Variants in USP47 observed in about 807,000 individuals in gnomAD.
The protein encoded by USP47 is ubiquitin carboxyl-terminal hydrolase 47.
A neutral mutation model predicts 165.1 loss-of-function variants in USP47; 35 were observed. The ratio of observed to expected loss-of-function variants is 0.21; its 90% CI spans 0.16 to 0.28. The LOEUF (loss-of-function observed/expected upper bound fraction) is 0.28, where lower values mean the gene tolerates loss of function less well. Among genes scored for constraint, USP47 ranks in the 10% least tolerant of loss-of-function variants. The probability of loss-of-function intolerance (pLI) is 1.00; values close to 1 mark genes in which losing one functional copy is unlikely to be tolerated. For missense variants in USP47, 1,277 were observed against 1,607.4 expected (o/e 0.79, Z 3.52); for synonymous variants, 531 against 544.5 (o/e 0.98, Z 0.35).
At chr11:11,843,143 T>TG (rs1848235217) in intron 1 of USP47, among the ~76,000 whole-genome samples, 1 of 152,228 alleles carries the variant, frequency 6.6e-6, no homozygotes, top group Admixed American at 6.5e-5. Context: ...GGATTGAAAT[T>TG]AACTGTGTGC....
intron 1 of USP47, 26 bp downstream of exon 1, chr11:11,842,250 C>G (rs979912679): frequency 6.4e-7 from 1 of 1,550,608 alleles, no homozygotes; most frequent in Non-Finnish European, 8.7e-7. Flanking sequence ...GGAGGTTAGG[C>G]CTTAGGCCTG....
chr11:11,862,582 G>A (rs1377556916), intron 1 of USP47, among the ~76,000 whole-genome samples: 2 of 152,110 alleles, frequency 1.3e-5, no homozygotes, highest in African/African-American at 4.8e-5. Flanking sequence ...ATAAATCCTA[G>A]ATAAGGAAAA....
intron 10 of USP47, among the ~76,000 whole-genome samples, chr11:11,920,940 CT>C (rs1377492030): frequency 1.5e-5 from 2 of 136,484 alleles, no homozygotes; most frequent in Non-Finnish European, 3.1e-5. Context: ...TACTTACCTA[CT>C]ATTTTGTATT....
rs376194652 is a variant in USP47 at position 11,905,391 on chromosome 11, A to C, written c.820-8A>C. 2.3e-4 allele frequency: 352 copies of C among 1,563,950 alleles called. 1 individual carries two copies. Among genetic ancestry groups the C allele is most frequent in the Non-Finnish European group, 1.0e-4 (119 of 1,149,212 alleles). On this transcript the variant is annotated splice_region_variant and splice_polypyrimidine_tract_variant and intron_variant, in intron 7 of 27. Transcript: ENST00000527733. ...GAACACTTAAAAATGTAAATATTTT[A>C]TTTTTAGGCTGATCTTATAAATGAG... is the stretch of plus-strand genomic sequence containing the variant.
chr11:11,925,850 C>A (rs1854203962), intron 11 of USP47, among the ~76,000 whole-genome samples: 1 of 152,048 alleles, frequency 6.6e-6, no homozygotes, highest in Non-Finnish European at 1.5e-5. Flanking sequence ...CCGTTTTTCA[C>A]CATTTAATAT....
intron 1 of USP47, among the ~76,000 whole-genome samples, chr11:11,871,524 A>C (rs1056607405): frequency 3.2e-5 from 4 of 124,582 alleles, no homozygotes; most frequent in African/African-American, 1.8e-4. Context: ...AAAAAAAAAA[A>C]AAAAAAAAAA....
At chr11:11,897,055 T>C (rs1851893562) in intron 4 of USP47, among the ~76,000 whole-genome samples, 2 of 150,628 alleles carry the variant, frequency 1.3e-5, no homozygotes, top group Middle Eastern at 3.4e-3. Flanking sequence ...ACTTAGAGTC[T>C]CAGCTTTTGT....
At chr11:11,947,824 A>G in intron 20 of USP47, 121 bp from the exon 21 acceptor site, 1 of 982,216 alleles carries the variant, frequency 1.0e-6, no homozygotes, top group Non-Finnish European at 1.4e-6. Context: ...GCTAAAGTCT[A>G]ACTGAAAAGG....
At chr11:11,908,236 GA>G (rs1436988902) in intron 8 of USP47, among the ~76,000 whole-genome samples, 1 of 152,170 alleles carries the variant, frequency 6.6e-6, no homozygotes, top group East Asian at 1.9e-4. Context: ...AGATAATTAA[GA>G]GTGAGGTCTT....
At chr11:11,952,911 T>C in intron 25 of USP47, 40 bp downstream of exon 25, 1 of 1,377,576 alleles carries the variant, frequency 7.3e-7, no homozygotes. Flanking sequence ...TTATGTTGTA[T>C]ATGTATATCA....
intron 5 of USP47, among the ~76,000 whole-genome samples, chr11:11,900,412 G>T (rs1179786939): frequency 1.3e-5 from 2 of 152,034 alleles, no homozygotes; most frequent in African/African-American, 4.8e-5. Flanking sequence ...CGCCCGCCTT[G>T]GCCTCCCAAA....
Position 11,842,078 on chromosome 11 carries a change from C to G in USP47, c.-108C>G. The G allele has an allele frequency of 7.3e-7, 1 of 1,365,914 alleles. No homozygotes were observed. The highest frequency in any genetic ancestry group is 2.2e-5 in the Admixed American group (1 of 45,714). The allele number at this position is 1,365,914 out of a possible 1,614,324, so 84.6% of individuals were successfully genotyped here. ...TGAGGCCTCCGCTATTGCTGGAGCG[C>G]AGGCGGCGGAGAGGATGACTGCCGC... On this transcript the variant is annotated 5_prime_UTR_variant, in exon 1 of 28. Coordinates refer to ENST00000527733, the MANE Select transcript of USP47 (RefSeq NM_001282659.2).
At chr11:11,868,508 T>C (rs551483672) in intron 1 of USP47, among the ~76,000 whole-genome samples, 4 of 152,312 alleles carry the variant, frequency 2.6e-5, no homozygotes, top group Middle Eastern at 3.4e-3. Context: ...TTCCATGATA[T>C]GGATGTACTA....
rs1026392444 is a variant in USP47 at position 11,958,187 on chromosome 11, G to C, written c.*2012G>C. ...TTGGAGTTTGGTCTGATTGGGTTTG[G>C]TTTAGTATTCCTATGAGCGTAAATG... On this transcript the variant is annotated 3_prime_UTR_variant, in exon 28 of 28. Coordinates refer to ENST00000527733, the MANE Select transcript of USP47 (RefSeq NM_001282659.2). The C allele has an allele frequency of 2.0e-5, 3 of 152,174 alleles. No individual in the cohort carries two copies. Among genetic ancestry groups the C allele is most frequent in the East Asian group, 1.9e-4 (1 of 5,194 alleles). 9.4% of individuals were successfully genotyped at this position (152,174 alleles called of 1,614,324 possible). A position where few individuals can be genotyped will look rare whatever the true frequency, so the allele number is the denominator to read the frequency against.
intron 4 of USP47, among the ~76,000 whole-genome samples, chr11:11,892,736 A>G (rs1164670066): frequency 6.8e-6 from 1 of 148,046 alleles, no homozygotes; most frequent in East Asian, 2.1e-4. Context: ...GGATTGCTTG[A>G]GCCCAGGAGG....
At chr11:11,955,419 T>A (rs947400139) in intron 27 of USP47, among the ~76,000 whole-genome samples, 1 of 152,204 alleles carries the variant, frequency 6.6e-6, no homozygotes, top group African/African-American at 2.4e-5. Flanking sequence ...TTACATGTCA[T>A]CAGTATAAAA....
chr11:11,907,359 G>A (rs745509908), intron 8 of USP47, among the ~76,000 whole-genome samples: 7 of 152,316 alleles, frequency 4.6e-5, no homozygotes, highest in Non-Finnish European at 1.0e-4. Flanking sequence ...AGGGCTTGCG[G>A]AAGAGAACTT....
chr11:11,941,255 C>T (rs1855448634), intron 19 of USP47, among the ~76,000 whole-genome samples: 1 of 151,772 alleles, frequency 6.6e-6, no homozygotes, highest in South Asian at 2.1e-4. Flanking sequence ...AGGGGATGTA[C>T]GTGTATATGT....
chr11:11,940,629 T>C, intron 19 of USP47, 81 bp downstream of exon 19: 1 of 1,430,488 alleles, frequency 7.0e-7, no homozygotes, highest in Non-Finnish European at 9.6e-7. Context: ...AAGCCTGGCC[T>C]CCACAGCTGT....
Sources: gnomAD v4.1 joint callset for allele counts (sites outside exome capture counted in the v4.1 genomes callset) on GRCh38, gnomAD v4.1.1 for gene constraint, MANE v1.5 for transcripts, NCBI Gene and HGNC (gene_info 2026-07-23, HGNC 2026-07-21) for gene names.